The following CLIP4 variants were observed in gnomAD, a reference collection of about 807,000 sequenced individuals.
CLIP4 encodes CAP-Gly domain-containing linker protein 4.
Under a neutral mutation model 73.1 loss-of-function variants are expected in CLIP4, and 47 were observed. That is an observed-to-expected ratio of 0.64 (90% CI 0.51 to 0.82). The LOEUF is 0.82. CLIP4 is among the 40% of genes least tolerant of loss of function. The pLI is 0.00. For synonymous variants in CLIP4, 306 were observed against 295.4 expected (o/e 1.04, Z -0.37); for missense variants, 874 against 852.9 (o/e 1.02, Z -0.31).
In CLIP4 at chr2:29,133,721, G is replaced by A. The variant is rs753463777; in HGVS notation, c.434G>A (p.Arg145Gln). 36 of 1,613,606 alleles carry A rather than the reference G, an allele frequency of 2.2e-5. No individual in the cohort carries two copies. Among genetic ancestry groups the A allele is most frequent in the Non-Finnish European group, 2.8e-5 (33 of 1,179,864 alleles). ...LIDLGADISL[R>Q]SRWTNMNALH... ...GACCTGGGAGCAGACATTAGTTTGC[G>A]GAGTCGCTGGACAAACATGAATGCT... The change falls in exon 5 of 16, where the codon CGG (arginine) becomes CAG (glutamine). Residue 145 changes from arginine (R) to glutamine (Q), a missense_variant. Physicochemically the swap from Arg to Gln is conservative, Grantham distance 43 (BLOSUM62 1). Coordinates refer to ENST00000320081, the MANE Select transcript of CLIP4 (RefSeq NM_024692.6).
At chr2:29,134,045 G>GT (rs757487737) in intron 5 of CLIP4, among the ~76,000 whole-genome samples, 22 of 152,080 alleles carry the variant, frequency 1.4e-4, no homozygotes, top group Non-Finnish European at 2.9e-4. Flanking sequence ...TGTTCTCTGG[G>GT]TTTTCATATC....
intron 14 of CLIP4, among the ~76,000 whole-genome samples, chr2:29,170,982 A>T (rs1477288699): frequency 6.6e-6 from 1 of 152,048 alleles, no homozygotes; most frequent in Non-Finnish European, 1.5e-5. Context: ...CCAGTACCAC[A>T]CTGTCTTGAT....
At chr2:29,107,118 A>G (rs1283139610) in intron 1 of CLIP4, among the ~76,000 whole-genome samples, 1 of 152,086 alleles carries the variant, frequency 6.6e-6, no homozygotes, top group Admixed American at 6.6e-5. Context: ...GCTGCTTTCT[A>G]CCTACTCTGT....
At chr2:29,108,598 G>A (rs1057336736) in intron 1 of CLIP4, among the ~76,000 whole-genome samples, 2 of 152,136 alleles carry the variant, frequency 1.3e-5, no homozygotes, top group Admixed American at 1.3e-4. Context: ...GAAGACTACC[G>A]TACCCACCAT....
At chr2:29,101,779 G>C (rs1668056765) in intron 1 of CLIP4, among the ~76,000 whole-genome samples, 1 of 152,128 alleles carries the variant, frequency 6.6e-6, no homozygotes. Flanking sequence ...AGATCTTTAG[G>C]ATCTGGTTTT....
chr2:29,151,325 A>G (rs376082873), intron 8 of CLIP4, among the ~76,000 whole-genome samples: 1 of 152,246 alleles, frequency 6.6e-6, no homozygotes, highest in South Asian at 2.1e-4. Context: ...ACAAATATAC[A>G]TTCCCAGAGT....
chr2:29,123,665 T>C (rs1042092165), intron 2 of CLIP4, among the ~76,000 whole-genome samples: 5 of 152,206 alleles, frequency 3.3e-5, no homozygotes, highest in Non-Finnish European at 7.4e-5. Context: ...AAGGTCTTTG[T>C]GGCTGAGAAG....
intron 15 of CLIP4, among the ~76,000 whole-genome samples, chr2:29,176,788 G>T (rs976705189): frequency 7.2e-5 from 11 of 152,146 alleles, no homozygotes; most frequent in Admixed American, 5.9e-4. Flanking sequence ...ACCAGGGCCT[G>T]CTCAGAAATC....
At chr2:29,109,495 GTTTC>G (rs1668326931) in intron 1 of CLIP4, among the ~76,000 whole-genome samples, 1 of 152,068 alleles carries the variant, frequency 6.6e-6, no homozygotes, top group Non-Finnish European at 1.5e-5. Context: ...TCAAACATTT[GTTTC>G]TTTGTGTTGA....
intron 11 of CLIP4, among the ~76,000 whole-genome samples, chr2:29,158,837 C>T (rs536969130): frequency 6.6e-6 from 1 of 152,282 alleles, no homozygotes; most frequent in South Asian, 2.1e-4. Context: ...GTGTTGCAAT[C>T]ATAGTGACTG....
chr2:29,178,343 C>G (rs985071731), intron 15 of CLIP4, among the ~76,000 whole-genome samples: 1 of 152,078 alleles, frequency 6.6e-6, no homozygotes, highest in African/African-American at 2.4e-5. Context: ...CCATGCCTAG[C>G]TAATTTTTTG....
chr2:29,110,514 G>A (rs548353115), upstream of CLIP4, among the ~76,000 whole-genome samples: 7 of 152,154 alleles, frequency 4.6e-5, no homozygotes, highest in Non-Finnish European at 8.8e-5. Flanking sequence ...GAATAGAGTT[G>A]CCATTTACTG....
intron 9 of CLIP4, 138 bp downstream of exon 9, chr2:29,152,966 T>C: frequency 1.1e-6 from 1 of 901,714 alleles, no homozygotes; most frequent in Non-Finnish European, 1.7e-6. Context: ...ATCTTATGTG[T>C]TTTTAAACCT....
chr2:29,144,516 A>G (rs1302984232), intron 7 of CLIP4, among the ~76,000 whole-genome samples: 2 of 151,616 alleles, frequency 1.3e-5, no homozygotes, highest in Admixed American at 6.6e-5. Flanking sequence ...CTCATATGGG[A>G]GGTTTTCTTG....
upstream of CLIP4, among the ~76,000 whole-genome samples, chr2:29,113,814 T>C (rs1321731783): frequency 6.6e-6 from 1 of 152,244 alleles, no homozygotes; most frequent in African/African-American, 2.4e-5. This position sits in a 1 kb window ranked among gnomAD's most constrained non-coding sequence, Gnocchi z 4.0. Context: ...CACAGATCTT[T>C]ATGACTTTCT....
intron 9 of CLIP4, among the ~76,000 whole-genome samples, chr2:29,153,197 A>C (rs1260895984): frequency 6.6e-6 from 1 of 152,150 alleles, no homozygotes; most frequent in Non-Finnish European, 1.5e-5. Flanking sequence ...GACTCGGGAA[A>C]CTAGCAGTTG....
chr2:29,168,830 T>C (rs778895284), intron 14 of CLIP4, among the ~76,000 whole-genome samples: 2 of 152,112 alleles, frequency 1.3e-5, no homozygotes, highest in Non-Finnish European at 2.9e-5. Context: ...CCTGCACTTT[T>C]TGTTTTAAGA....
intron 1 of CLIP4, among the ~76,000 whole-genome samples, chr2:29,107,322 C>T (rs1164418317): frequency 7.0e-6 from 1 of 142,204 alleles, no homozygotes; most frequent in Non-Finnish European, 1.5e-5. Context: ...GATACAAAGG[C>T]AGCTTCTGTG....
chr2:29,135,047 C>G (rs1410423769), intron 5 of CLIP4, among the ~76,000 whole-genome samples: 1 of 152,038 alleles, frequency 6.6e-6, no homozygotes, highest in Non-Finnish European at 1.5e-5. Flanking sequence ...TACTCAGTTC[C>G]ATAGTTGTAG....
Sources: gnomAD v4.1 joint callset for allele counts (sites outside exome capture counted in the v4.1 genomes callset) on GRCh38, gnomAD v4.1.1 for gene constraint, Gnocchi (gnomAD v3.1) non-coding constraint, MANE v1.5 for transcripts, NCBI Gene and HGNC (gene_info 2026-07-23, HGNC 2026-07-21) for gene names.